ZNF808: variants seen among roughly 807,000 people sequenced by gnomAD.
The protein encoded by ZNF808 is zinc finger protein 808.
Under a neutral mutation model 8.7 loss-of-function variants are expected in ZNF808, and 5 were observed. The observed-to-expected ratio is 0.58, with a 90% confidence interval of 0.30 to 1.21. The LOEUF (loss-of-function observed/expected upper bound fraction) is 1.21. ZNF808 is among the 50% of genes most tolerant of loss of function. The probability of loss-of-function intolerance (pLI) is 0.07; values close to 1 mark genes in which losing one functional copy is unlikely to be tolerated. For missense variants in ZNF808, 1,103 were observed against 1,098.4 expected (o/e 1.00, Z -0.06); for synonymous variants, 380 against 366.0 (o/e 1.04, Z -0.44).
At chr19:52,559,761 C>G (rs1013794472), downstream of ZNF808, among the ~76,000 whole-genome samples, 2 of 152,066 alleles carry the variant, frequency 1.3e-5, no homozygotes, top group African/African-American at 4.8e-5. Context: ...GAGTCTCCCT[C>G]TATCACCCAG....
downstream of ZNF808, among the ~76,000 whole-genome samples, chr19:52,566,507 T>G (rs991269491): frequency 4.6e-5 from 7 of 152,142 alleles, no homozygotes; most frequent in Non-Finnish European, 1.0e-4. Context: ...AAAAACCCAT[T>G]CTATATAACT....
Position 52,555,127 on chromosome 19 carries a change from TAGTG to T in ZNF808, c.2216_2219del (p.Glu739AlafsTer128). 1.9e-6 allele frequency: 3 copies of T among 1,614,144 alleles called. No homozygotes were observed. The highest frequency in any genetic ancestry group is 2.5e-6 in the Non-Finnish European group (3 of 1,180,020). ...ATAGTGGTGAGAAACCTTACAAGTGTAGTGAGTGCAGCAAGACGTTCAGTCAGAA... is the reference window on the plus strand; with the variant it reads ...ATAGTGGTGAGAAACCTTACAAGTGTAGTGCAGCAAGACGTTCAGTCAGAA... On this transcript the variant is annotated frameshift_variant, in exon 5 of 5. Coordinates refer to ENST00000359798, the MANE Select transcript of ZNF808 (RefSeq NM_001039886.4). LOFTEE classifies it low-confidence loss of function (END_TRUNC).
intron 3 of ZNF808, among the ~76,000 whole-genome samples, chr19:52,562,737 T>C (rs2123229233): frequency 6.6e-6 from 1 of 152,246 alleles, no homozygotes; most frequent in South Asian, 2.1e-4. Context: ...ATAACTGTAG[T>C]TGTGATATCA....
In ZNF808 at chr19:52,551,209, G is replaced by A. The variant is rs148911926; in HGVS notation, c.191-1898G>A. Among the ~76,000 whole-genome samples, 5 of 152,106 alleles carry A rather than the reference G, an allele frequency of 3.3e-5. No homozygotes were observed. In the East Asian group the frequency reaches 9.7e-4, roughly 29 times the overall value. On this transcript the variant is annotated intron_variant, in intron 4 of 4. Transcript: ENST00000359798. ...TCTAGTAAAAATACAAAAATTAGCT[G>A]GGCGTTTTGGTATGCACCTGTTATC...
downstream of ZNF808, among the ~76,000 whole-genome samples, chr19:52,565,266 A>G (rs1030067783): frequency 3.5e-4 from 53 of 152,144 alleles, 1 homozygote; most frequent in Non-Finnish European, 7.4e-4. Context: ...CAACAAGAGC[A>G]AAACTCCATC....
intron 1 of ZNF808, among the ~76,000 whole-genome samples, chr19:52,529,911 A>T (rs10410790): frequency 0.11 from 9,344 of 81,618 alleles, 442 homozygotes; most frequent in African/African-American, 0.24. Flanking sequence ...ATATATATAT[A>T]TTTTTTTTTT....
chr19:52,547,675 T>G, intron 4 of ZNF808, 37 bp downstream of exon 4: 1 of 1,609,086 alleles, frequency 6.2e-7, no homozygotes, highest in South Asian at 1.1e-5. Flanking sequence ...AGGAGTCTGC[T>G]CCTGTCTATC....
chr19:52,530,757 A>T (rs1321233665), intron 1 of ZNF808, among the ~76,000 whole-genome samples: 1 of 152,042 alleles, frequency 6.6e-6, no homozygotes, highest in African/African-American at 2.4e-5. Context: ...CAAATCACTG[A>T]AGGCCAGGAG....
At chr19:52,528,664 G>A (rs953529827) in intron 1 of ZNF808, among the ~76,000 whole-genome samples, 1 of 152,034 alleles carries the variant, frequency 6.6e-6, no homozygotes, top group African/African-American at 2.4e-5. Context: ...TGGAGCCAGG[G>A]CAGACAGAGC....
chr19:52,550,220 C>A lies in ZNF808; in HGVS notation c.190+2582C>A, dbSNP rs1005205570. 2.6e-5 allele frequency among the ~76,000 whole-genome samples: 4 copies of A among 151,420 alleles called. No individual in the cohort carries two copies. The South Asian group carries it at 8.4e-4, about 32-fold the overall frequency. ...TTTGAGAAATAATGATAATTTGCCT[C>A]CAGGGTTGGTTTTTTTTTTTTGTTT... is the stretch of plus-strand genomic sequence containing the variant. On this transcript the variant is annotated intron_variant, in intron 4 of 4. Transcript: ENST00000359798.
At chr19:52,551,716 A>C (rs1268092590) in intron 4 of ZNF808, among the ~76,000 whole-genome samples, 1 of 152,150 alleles carries the variant, frequency 6.6e-6, no homozygotes, top group Non-Finnish European at 1.5e-5. Context: ...AATGTCACAA[A>C]GTGCCACCAG....
downstream of ZNF808, among the ~76,000 whole-genome samples, chr19:52,565,080 C>T (rs971771113): frequency 2.0e-5 from 3 of 151,742 alleles, no homozygotes; most frequent in South Asian, 4.2e-4. Context: ...AGTGAGACTC[C>T]GTCTCAAAAA....
At chr19:52,560,932 A>G (rs374681236), downstream of ZNF808, among the ~76,000 whole-genome samples, 3 of 151,908 alleles carry the variant, frequency 2.0e-5, no homozygotes, top group Admixed American at 6.6e-5. Flanking sequence ...GAACACCCCA[A>G]TTTCCCCATG....
chr19:52,529,506 AG>A (rs2059541306), intron 1 of ZNF808, among the ~76,000 whole-genome samples: 1 of 152,216 alleles, frequency 6.6e-6, no homozygotes, highest in South Asian at 2.1e-4. Flanking sequence ...TAAATTATAC[AG>A]ATTGAGAATT....
chr19:52,555,008 A>C lies in ZNF808; in HGVS notation c.2092A>C (p.Thr698Pro). 3 of 1,614,038 alleles carry C rather than the reference A, an allele frequency of 1.9e-6. No individual in the cohort carries two copies. Among genetic ancestry groups the C allele is most frequent in the Non-Finnish European group, 2.5e-6 (3 of 1,180,000 alleles). Residue 698 changes from threonine (T) to proline (P), a missense_variant, in exon 5 of 5, where the codon ACT becomes CCT. Transcript: ENST00000359798. The part of the protein sequence containing the change: ...FVCRSYVAKH[T>P]RIHSGMKPYK... ...GTGTCGTTCCTATGTGGCAAAACAT[A>C]CTAGAATTCACAGTGGAATGAAACC...
At chr19:52,568,094 A>G (rs2059877093), downstream of ZNF808, among the ~76,000 whole-genome samples, 1 of 152,174 alleles carries the variant, frequency 6.6e-6, no homozygotes, top group Non-Finnish European at 1.5e-5. Flanking sequence ...TTTCCTGGCC[A>G]GGCATGCAGG....
intron 3 of ZNF808, among the ~76,000 whole-genome samples, chr19:52,562,865 C>G (rs991621189): frequency 1.3e-5 from 2 of 152,090 alleles, no homozygotes; most frequent in African/African-American, 4.8e-5. Flanking sequence ...CCTACGCCTC[C>G]TTGGTTCAAA....
chr19:52,550,585 G>C (rs1168167467), intron 4 of ZNF808, among the ~76,000 whole-genome samples: 1 of 151,542 alleles, frequency 6.6e-6, no homozygotes. Flanking sequence ...GAGTGCAATG[G>C]TGCAATCTTG....
downstream of ZNF808, among the ~76,000 whole-genome samples, chr19:52,565,664 T>A (rs762080672): frequency 1.2e-4 from 19 of 152,192 alleles, no homozygotes; most frequent in Non-Finnish European, 2.4e-4. Flanking sequence ...GCCTAAGGCA[T>A]AAGTGACTAT....
Sources: allele counts gnomAD v4.1 joint callset (sites outside exome capture counted in the v4.1 genomes callset), GRCh38; gene constraint gnomAD v4.1.1; transcripts MANE v1.5; gene names NCBI Gene and HGNC (gene_info 2026-07-23, HGNC 2026-07-21).